The following SLCO1B1 variants were observed in gnomAD, a reference collection of about 807,000 sequenced individuals.
The protein encoded by SLCO1B1 is solute carrier organic anion transporter family member 1B1, also known as OATP-2.
Under a neutral mutation model 70.1 loss-of-function variants are expected in SLCO1B1, and 81 were observed. The ratio of observed to expected loss-of-function variants is 1.16; its 90% CI spans 0.97 to 1.39. The LOEUF (loss-of-function observed/expected upper bound fraction) is 1.39, where lower values mean the gene tolerates loss of function less well. Among genes scored for constraint, SLCO1B1 ranks in the 40% most tolerant of loss-of-function variants. The pLI is 0.00. For synonymous variants in SLCO1B1, 283 were observed against 271.5 expected (o/e 1.04, Z -0.42); for missense variants, 895 against 799.6 (o/e 1.12, Z -1.44).
At chr12:21,167,834 TA>T (rs2121089888) in intron 2 of SLCO1B1, among the ~76,000 whole-genome samples, 1 of 150,154 alleles carries the variant, frequency 6.7e-6, no homozygotes, top group African/African-American at 2.5e-5. Flanking sequence ...TTTTTTTTTT[TA>T]AGATGGAGTC....
intron 7 of SLCO1B1, among the ~76,000 whole-genome samples, chr12:21,185,925 T>C (rs1288967581): frequency 6.6e-6 from 1 of 151,924 alleles, no homozygotes; most frequent in Non-Finnish European, 1.5e-5. Flanking sequence ...CAAATGCCCC[T>C]CTGCACACAA....
intron 7 of SLCO1B1, among the ~76,000 whole-genome samples, chr12:21,194,112 G>T (rs990681292): frequency 4.0e-5 from 6 of 149,138 alleles, no homozygotes; most frequent in Non-Finnish European, 8.9e-5. Flanking sequence ...CTTTATTTCA[G>T]ACTTCCACAG....
chr12:21,217,052 C>G, intron 11 of SLCO1B1, 67 bp from the exon 12 acceptor site: 1 of 1,141,620 alleles, frequency 8.8e-7, no homozygotes, highest in African/African-American at 1.5e-5. Flanking sequence ...AAATATAATG[C>G]AATGTATTTG....
At chr12:21,233,348 C>T (rs1289809999) in intron 14 of SLCO1B1, among the ~76,000 whole-genome samples, 2 of 152,112 alleles carry the variant, frequency 1.3e-5, no homozygotes, top group East Asian at 1.9e-4. Context: ...TATACAAATA[C>T]ACACAACAAA....
At position 21,139,917 on chromosome 12, in the gene SLCO1B1, G is replaced by A. The variant is rs111766338; in HGVS notation, c.-61-1597G>A. Among the ~76,000 whole-genome samples the A allele has an allele frequency of 1.4e-4, 21 of 151,470 alleles. 1 individual carries two copies. Among genetic ancestry groups the A allele is most frequent in the South Asian group, 4.2e-4 (2 of 4,808 alleles). ...CAAAGATAGTGCTGAAGTGCTCTCC[G>A]GTGCACAAGAGTATCTGAGGGAAAA... On this transcript the variant is annotated intron_variant, in intron 1 of 14. Coordinates refer to ENST00000256958, the MANE Select transcript of SLCO1B1 (RefSeq NM_006446.5).
At chr12:21,216,342 C>A (rs1161862114) in intron 11 of SLCO1B1, among the ~76,000 whole-genome samples, 4 of 152,118 alleles carry the variant, frequency 2.6e-5, no homozygotes. Flanking sequence ...AATTCTTCTA[C>A]AATTCTTCCT....
intron 3 of SLCO1B1, 137 bp downstream of exon 3, chr12:21,172,928 C>G: frequency 1.3e-6 from 1 of 786,060 alleles, no homozygotes; most frequent in South Asian, 1.7e-5. Flanking sequence ...TTGTGGTTGT[C>G]ATAACTGCAC....
chr12:21,205,108 T>A (rs1171864963), intron 10 of SLCO1B1, among the ~76,000 whole-genome samples: 1 of 151,934 alleles, frequency 6.6e-6, no homozygotes, highest in South Asian at 2.1e-4. Flanking sequence ...TATGTGCTCA[T>A]TCAAAGATAA....
At position 21,172,791 on chromosome 12, in the gene SLCO1B1, G is replaced by T; in HGVS notation, c.226G>T (p.Gly76Ter). The T allele has an allele frequency of 6.2e-7, 1 of 1,611,718 alleles. No individual in the cohort carries two copies. The highest frequency in any genetic ancestry group is 1.7e-5 in the Admixed American group (1 of 59,890). Residue 76 changes from glycine (G) to a stop codon, truncating the protein, a stop_gained and splice_region_variant, in exon 3 of 15, where the codon GGA (glycine) becomes TGA (stop). Transcript: ENST00000256958. LOFTEE classifies it high-confidence loss of function. ...VGFIDGSFEI[G>*]NLLVIVFVSY... ...TTTTATTGACGGAAGCTTTGAAATT[G>T]GTAACATTTATTTTCTATTTTAATA...
intron 7 of SLCO1B1, among the ~76,000 whole-genome samples, chr12:21,195,007 GC>G (rs1380468529): frequency 2.0e-5 from 3 of 152,092 alleles, no homozygotes; most frequent in Non-Finnish European, 4.4e-5. Context: ...ATACACTATT[GC>G]AAGGACAGCA....
At chr12:21,174,826 A>T in intron 4 of SLCO1B1, 117 bp downstream of exon 4, 5 of 932,078 alleles carry the variant, frequency 5.4e-6, no homozygotes, top group Non-Finnish European at 6.6e-6. Context: ...GATACCCACT[A>T]AGTGTGTACA....
rs200467000 is a variant in SLCO1B1 at position 21,239,153 on chromosome 12, C to A, written c.2040C>A (p.Val680=). Residue 680 remains valine, a synonymous_variant, in exon 15 of 15, where the codon GTC becomes GTA. Transcript: ENST00000256958. ...CCTTAAATAAAAATAAACATTTTGT[C>A]CCTTCTGCTGGGGCAGATAGTGAAA... ...LESLNKNKHF[V]PSAGADSETH... 7.4e-5 allele frequency: 120 copies of A among 1,613,124 alleles called. No homozygotes were observed. The East Asian group carries it at 1.9e-3, about 26-fold the overall frequency.
At chr12:21,196,613 C>T (rs951633458) in intron 7 of SLCO1B1, among the ~76,000 whole-genome samples, 5 of 152,016 alleles carry the variant, frequency 3.3e-5, no homozygotes, top group Non-Finnish European at 4.4e-5. Context: ...AACAATGAGA[C>T]GTCATAGTTC....
At chr12:21,220,896 A>G (rs1443492060) in intron 12 of SLCO1B1, among the ~76,000 whole-genome samples, 2 of 152,004 alleles carry the variant, frequency 1.3e-5, no homozygotes, top group African/African-American at 4.8e-5. Context: ...AAACACTAGC[A>G]AATCAAATCC....
At position 21,178,559 on chromosome 12, in the gene SLCO1B1, C is replaced by G; in HGVS notation, c.482-17C>G. The G allele has an allele frequency of 6.4e-7, 1 of 1,561,550 alleles. No homozygotes were observed. Among genetic ancestry groups the G allele is most frequent in the Non-Finnish European group, 8.8e-7 (1 of 1,134,950 alleles). ...TAAAATTAATGTTTAAAATGAAACA[C>G]TCTCTTATCTACATAGGTTGTTTAA... On this transcript the variant is annotated splice_polypyrimidine_tract_variant and intron_variant, in intron 5 of 14. Coordinates refer to ENST00000256958, the MANE Select transcript of SLCO1B1 (RefSeq NM_006446.5).
At chr12:21,143,508 T>G (rs914039391) in intron 2 of SLCO1B1, among the ~76,000 whole-genome samples, 1 of 152,040 alleles carries the variant, frequency 6.6e-6, no homozygotes, top group African/African-American at 2.4e-5. Flanking sequence ...GACATTGATT[T>G]AGTGTTTTAC....
intron 14 of SLCO1B1, among the ~76,000 whole-genome samples, chr12:21,230,186 T>C (rs1205943733): frequency 6.6e-6 from 1 of 152,206 alleles, no homozygotes; most frequent in East Asian, 1.9e-4. Flanking sequence ...ATTTTGAATG[T>C]TGAACCAGTC....
intron 6 of SLCO1B1, 74 bp downstream of exon 6, chr12:21,178,796 CTT>C (rs1194026109): frequency 6.9e-7 from 1 of 1,438,862 alleles, no homozygotes; most frequent in East Asian, 2.3e-5. Flanking sequence ...AGTTACTAAA[CTT>C]ATTATTTTAC....
chr12:21,141,651 G>C lies in SLCO1B1; in HGVS notation c.77G>C (p.Gly26Ala). ...AATAAGAAAACAAGATACTGCAATGGATTGAAGGTAGAATAAGTTTTATGT... is the reference window on the plus strand; with the variant it reads ...AATAAGAAAACAAGATACTGCAATGCATTGAAGGTAGAATAAGTTTTATGT... Reference protein sequence around the residue: ...SENKKTRYCNGLKMFLAALSL... With the variant: ...SENKKTRYCNALKMFLAALSL... Residue 26 changes from glycine to alanine, a missense_variant, in exon 2 of 15, where the codon GGA (glycine) becomes GCA (alanine). Transcript: ENST00000256958. 1.3e-6 allele frequency: 2 copies of C among 1,595,730 alleles called. No homozygotes were observed. Among genetic ancestry groups the C allele is most frequent in the South Asian group, 1.1e-5 (1 of 90,032 alleles).
Sources: gnomAD v4.1 joint callset for allele counts (sites outside exome capture counted in the v4.1 genomes callset) on GRCh38, gnomAD v4.1.1 for gene constraint, MANE v1.5 for transcripts, NCBI Gene and HGNC (gene_info 2026-07-23, HGNC 2026-07-21) for gene names.